Variants in GNAL observed in about 807,000 individuals in gnomAD.
The protein encoded by GNAL is guanine nucleotide-binding protein G(olf) subunit alpha.
In GNAL, 18 loss-of-function variants were observed where a neutral mutation model predicts 55.1. That is an observed-to-expected ratio of 0.33 (90% CI 0.23 to 0.48). The LOEUF (loss-of-function observed/expected upper bound fraction) is 0.48. Ranked by LOEUF, GNAL falls within the 20% of genes least tolerant of loss-of-function variation. The pLI is 0.99. For synonymous variants in GNAL, 253 were observed against 237.0 expected (o/e 1.07, Z -0.62); for missense variants, 412 against 614.1 (o/e 0.67, Z 3.48).
At chr18:11,802,174 T>G (rs1003256778) in intron 4 of GNAL, among the ~76,000 whole-genome samples, 1 of 152,156 alleles carries the variant, frequency 6.6e-6, no homozygotes, top group Non-Finnish European at 1.5e-5. Context: ...AAGAGTATGC[T>G]CCTTACGAAC....
At position 11,751,446 on chromosome 18, in the gene GNAL, A is replaced by G; in HGVS notation, c.377-1407A>G. The G allele has an allele frequency of 3.3e-6, 3 of 922,260 alleles. No individual in the cohort carries two copies. Among genetic ancestry groups the G allele is most frequent in the Non-Finnish European group, 3.9e-6 (3 of 772,198 alleles). The allele number at this position is 922,260 out of a possible 1,614,324, so 57.1% of individuals were successfully genotyped here. A position where few individuals can be genotyped will look rare whatever the true frequency, so the allele number is the denominator to read the frequency against. Reference sequence around the variant, plus strand: ...TGGAGGTAAAGACAGGAGGCTCGGGAGGCGGCGACGTGGGCGAGCTGGAAT... The same window carrying G: ...TGGAGGTAAAGACAGGAGGCTCGGGGGGCGGCGACGTGGGCGAGCTGGAAT... On this transcript the variant is annotated intron_variant, in intron 1 of 11. Coordinates refer to ENST00000334049, the MANE Select transcript of GNAL (RefSeq NM_182978.4). This position sits in a 1 kb window ranked among gnomAD's most constrained non-coding sequence, Gnocchi z 4.5.
chr18:11,769,011 T>A (rs368867451), intron 4 of GNAL, among the ~76,000 whole-genome samples: 9 of 91,182 alleles, frequency 9.9e-5, no homozygotes, highest in African/African-American at 5.8e-4. Flanking sequence ...AGAATATATA[T>A]ATTCTATATT....
chr18:11,855,725 C>T (rs1300498977), intron 5 of GNAL, among the ~76,000 whole-genome samples: 2 of 152,186 alleles, frequency 1.3e-5, no homozygotes, highest in Admixed American at 6.6e-5. Flanking sequence ...GTAATCCCAA[C>T]ACTTTGGGAG....
chr18:11,706,803 G>A (rs968460499), intron 1 of GNAL, among the ~76,000 whole-genome samples: 1 of 152,004 alleles, frequency 6.6e-6, no homozygotes, highest in African/African-American at 2.4e-5. Flanking sequence ...TCACATCTTC[G>A]GGCTCCACTT....
At chr18:11,859,768 C>A (rs1211919615) in intron 5 of GNAL, among the ~76,000 whole-genome samples, 1 of 150,650 alleles carries the variant, frequency 6.6e-6, no homozygotes, top group African/African-American at 2.4e-5. Flanking sequence ...TTTTTTGAGA[C>A]GGAGTCTCAC....
chr18:11,831,946 T>C (rs2035392592), intron 5 of GNAL, among the ~76,000 whole-genome samples: 1 of 152,250 alleles, frequency 6.6e-6, no homozygotes, highest in African/African-American at 2.4e-5. Flanking sequence ...CCTTAAATAC[T>C]GTGTTTTCTG....
Position 11,752,392 on chromosome 18 carries a change from C to T in GNAL, c.377-461C>T, listed in dbSNP as rs201256935. The T allele has an allele frequency of 3.2e-6, 5 of 1,574,632 alleles. No homozygotes were observed. Among genetic ancestry groups the T allele is most frequent in the South Asian group, 1.2e-5 (1 of 86,456 alleles). On this transcript the variant is annotated intron_variant, in intron 1 of 11. Transcript: ENST00000334049. The surrounding 1 kb of genome is among the most constrained non-coding windows in gnomAD (Gnocchi z 4.5). ...GTCTCCAACTCTCTATTGCTTTTTG[C>T]GCACATTCCTAACTTCCTGACGTCC... is the stretch of plus-strand genomic sequence containing the variant.
intron 4 of GNAL, among the ~76,000 whole-genome samples, chr18:11,810,133 A>G (rs1272146400): frequency 6.6e-6 from 1 of 152,250 alleles, no homozygotes; most frequent in Admixed American, 6.5e-5. Context: ...GCTCACGCCT[A>G]TAATGTCAGC....
chr18:11,754,478 G>A (rs1366000918), intron 4 of GNAL, among the ~76,000 whole-genome samples: 3 of 152,126 alleles, frequency 2.0e-5, no homozygotes, highest in Non-Finnish European at 2.9e-5. Context: ...AGTGTATGGG[G>A]AAGGCTGATA....
At position 11,699,370 on chromosome 18, in the gene GNAL, G is replaced by T. The variant is rs568831802; in HGVS notation, c.376+9431G>T. On this transcript the variant is annotated intron_variant, in intron 1 of 11. Coordinates refer to ENST00000334049, the MANE Select transcript of GNAL (RefSeq NM_182978.4). ...CCACCACACCTGGCTAATTTTTGGG[G>T]TTTTTTTTTTATTTTTGTATTTTTA... Among the ~76,000 whole-genome samples, 998 of 147,322 alleles carry T rather than the reference G, an allele frequency of 6.8e-3. 8 individuals are homozygous for T. Among genetic ancestry groups the T allele is most frequent in the African/African-American group, 0.019 (761 of 40,260 alleles).
At chr18:11,777,307 A>G (rs998972075) in intron 4 of GNAL, among the ~76,000 whole-genome samples, 1 of 152,204 alleles carries the variant, frequency 6.6e-6, no homozygotes, top group African/African-American at 2.4e-5. Context: ...AATGAACCAT[A>G]CAAAAAAATC....
In GNAL at chr18:11,752,730, C is replaced by A; in HGVS notation, c.377-123C>A. The A allele has an allele frequency of 1.7e-6, 2 of 1,168,634 alleles. No homozygotes were observed. Among genetic ancestry groups the A allele is most frequent in the Non-Finnish European group, 2.5e-6 (2 of 811,196 alleles). 72.4% of individuals were successfully genotyped at this position (1,168,634 alleles called of 1,614,324 possible). A position where few individuals can be genotyped will look rare whatever the true frequency, so the allele number is the denominator to read the frequency against. On this transcript the variant is annotated intron_variant, in intron 1 of 11. Transcript: ENST00000334049. This position sits in a 1 kb window ranked among gnomAD's most constrained non-coding sequence, Gnocchi z 4.5. ...CGGCGGCCGGGGCGAGCTCCTCCAG[C>A]CAGGAACCCGCGTGTAGGAAATCCC...
At position 11,882,960 on chromosome 18, in the gene GNAL, A is replaced by G. The variant is rs2036744415; in HGVS notation, c.*1825A>G. Reference sequence around the variant, plus strand: ...CCACAGAGTTGAGGGTAGTTTTTGTAGGTCTAAAATAATAATCTATAAAGA... The same window carrying G: ...CCACAGAGTTGAGGGTAGTTTTTGTGGGTCTAAAATAATAATCTATAAAGA... On this transcript the variant is annotated 3_prime_UTR_variant, in exon 12 of 12. Coordinates refer to ENST00000334049, the MANE Select transcript of GNAL (RefSeq NM_182978.4). 1 of 131,414 alleles carries G rather than the reference A, an allele frequency of 7.6e-6. No homozygotes were observed. The highest frequency in any genetic ancestry group is 2.2e-4 in the South Asian group (1 of 4,464). 8.1% of individuals were successfully genotyped at this position (131,414 alleles called of 1,614,324 possible). A position where few individuals can be genotyped will look rare whatever the true frequency, so the allele number is the denominator to read the frequency against.
intron 1 of GNAL, among the ~76,000 whole-genome samples, chr18:11,733,845 G>A (rs2032398149): frequency 6.9e-6 from 1 of 145,170 alleles, no homozygotes; most frequent in Admixed American, 7.1e-5. Flanking sequence ...CAACAAAACT[G>A]CACTTGTATC....
intron 1 of GNAL, among the ~76,000 whole-genome samples, chr18:11,713,039 G>A (rs898272115): frequency 2.6e-5 from 4 of 152,196 alleles, no homozygotes; most frequent in Non-Finnish European, 5.9e-5. Flanking sequence ...GCAGAACACT[G>A]TGAAATGCTG....
intron 4 of GNAL, among the ~76,000 whole-genome samples, chr18:11,771,228 A>AG (rs1275544756): frequency 4.0e-5 from 6 of 151,894 alleles, no homozygotes; most frequent in Non-Finnish European, 7.4e-5. Context: ...AAAAAAAAAA[A>AG]AAAGAAAAAA....
At chr18:11,733,537 C>G (rs1411497012) in intron 1 of GNAL, among the ~76,000 whole-genome samples, 1 of 152,114 alleles carries the variant, frequency 6.6e-6, no homozygotes, top group Non-Finnish European at 1.5e-5. Flanking sequence ...CATTCCAAGT[C>G]CATCAACGGA....
intron 1 of GNAL, among the ~76,000 whole-genome samples, chr18:11,699,631 G>C (rs1176393694): frequency 1.3e-5 from 2 of 152,076 alleles, no homozygotes; most frequent in Admixed American, 1.3e-4. Flanking sequence ...ATCAGCTAAA[G>C]CAGTGACTCT....
At chr18:11,762,579 G>A (rs2033278633) in intron 4 of GNAL, among the ~76,000 whole-genome samples, 3 of 152,302 alleles carry the variant, frequency 2.0e-5, no homozygotes, top group African/African-American at 7.2e-5. Context: ...GAGGGCAGGT[G>A]GACATAGAGA....
Sources: gnomAD v4.1 joint callset for allele counts (sites outside exome capture counted in the v4.1 genomes callset) on GRCh38, gnomAD v4.1.1 for gene constraint, Gnocchi (gnomAD v3.1) non-coding constraint, MANE v1.5 for transcripts, NCBI Gene and HGNC (gene_info 2026-07-23, HGNC 2026-07-21) for gene names.